ADAMTSL1: variants seen among roughly 807,000 people sequenced by gnomAD.
ADAMTSL1 encodes ADAMTS like 1.
Under a neutral mutation model 201.8 loss-of-function variants are expected in ADAMTSL1, and 126 were observed. That is an observed-to-expected ratio of 0.62 (90% CI 0.54 to 0.72). ADAMTSL1 has a LOEUF of 0.72. ADAMTSL1 is among the 30% of genes least tolerant of loss of function. The pLI, the probability that ADAMTSL1 is intolerant of heterozygous loss-of-function variation, is 0.00. For missense variants in ADAMTSL1, 2,679 were observed against 2,277.8 expected (o/e 1.18, Z -3.59); for synonymous variants, 1,121 against 903.4 (o/e 1.24, Z -4.32).
chr9:18,366,357 G>A lies in ADAMTSL1; in HGVS notation c.208-138472G>A, dbSNP rs565660415. Among the ~76,000 whole-genome samples the A allele has an allele frequency of 1.1e-3, 163 of 151,676 alleles. 2 individuals are homozygous for A. The highest frequency in any genetic ancestry group is 3.6e-3 in the African/African-American group (150 of 41,360). On this transcript the variant is annotated intron_variant, in intron 2 of 29. Transcript: ENST00000680146. ...GCTGAAGTCATCTCGGTGCTACCTC[G>A]TGTGCCTTGGGTTATTTTTACCCTG...
chr9:17,921,225 A>G (rs1365950561), intron 1 of ADAMTSL1, among the ~76,000 whole-genome samples: 1 of 152,104 alleles, frequency 6.6e-6, no homozygotes, highest in African/African-American at 2.4e-5. Context: ...GTAGATTTTG[A>G]ACCAGTATTC....
At chr9:18,850,668 C>T (rs964474176) in intron 23 of ADAMTSL1, among the ~76,000 whole-genome samples, 4 of 152,158 alleles carry the variant, frequency 2.6e-5, no homozygotes, top group South Asian at 2.1e-4. Context: ...GTAGAGGGAT[C>T]GGGTAAGTTA....
intron 9 of ADAMTSL1, among the ~76,000 whole-genome samples, chr9:18,671,617 C>T (rs968968307): frequency 1.9e-4 from 29 of 152,200 alleles, no homozygotes; most frequent in African/African-American, 6.7e-4. Context: ...GCTTGAAAAG[C>T]CTAGAGCACA....
At chr9:18,315,445 G>C (rs1296991857) in intron 2 of ADAMTSL1, among the ~76,000 whole-genome samples, 1 of 152,070 alleles carries the variant, frequency 6.6e-6, no homozygotes, top group African/African-American at 2.4e-5. Flanking sequence ...TGAGGAGGGG[G>C]GTGGTTCGGG....
intron 4 of ADAMTSL1, among the ~76,000 whole-genome samples, chr9:18,598,501 G>C (rs755162591): frequency 2.0e-5 from 3 of 151,722 alleles, no homozygotes; most frequent in Non-Finnish European, 4.4e-5. Context: ...ATTCATTTTT[G>C]TTTGTCCCTT....
intron 2 of ADAMTSL1, among the ~76,000 whole-genome samples, chr9:18,421,910 T>G (rs1261931456): frequency 6.6e-6 from 1 of 152,248 alleles, no homozygotes; most frequent in South Asian, 2.1e-4. Context: ...GATTTAAGAA[T>G]GTAATATTTG....
rs944874528 is a variant in ADAMTSL1 at position 17,925,182 on chromosome 9, A to G, written c.87+18260A>G. Among the ~76,000 whole-genome samples the G allele has an allele frequency of 3.6e-3, 400 of 112,650 alleles. 69 individuals carry two copies. The highest frequency in any genetic ancestry group is 0.011 in the African/African-American group (371 of 33,434). 73.9% of individuals were successfully genotyped at this position (112,650 alleles called of 152,430 possible). A position where few individuals can be genotyped will look rare whatever the true frequency, so the allele number is the denominator to read the frequency against. On this transcript the variant is annotated intron_variant, in intron 1 of 29. Coordinates refer to the ADAMTSL1 transcript ENST00000680146. The stretch of plus-strand genomic sequence containing the variant: ...ACCATCTCACACCAGTTAGAATGGC[A>G]ATCATTAAAAAGTCAGGAAACAACA...
In ADAMTSL1 at chr9:18,504,858, C is replaced by T. The variant is rs1300050252; in HGVS notation, c.93C>T (p.Asp31=). 2.5e-6 allele frequency: 4 copies of T among 1,613,976 alleles called. No homozygotes were observed. The highest frequency in any genetic ancestry group is 3.4e-6 in the Non-Finnish European group (4 of 1,180,020). ...CCAGGACCGCACGCTCCGAGGAGGA[C>T]CGGGACGGCCTATGGGATGCCTGGG... is the stretch of plus-strand genomic sequence containing the variant. ...LSSRTARSEE[D]RDGLWDAWGP... The change falls in exon 2 of 29, where the codon GAC becomes GAT. Residue 31 remains aspartate (D), a synonymous_variant. Transcript: ENST00000380548.
chr9:18,581,206 C>G (rs7044968), intron 4 of ADAMTSL1, among the ~76,000 whole-genome samples: 5,823 of 152,184 alleles, frequency 0.038, 346 homozygotes, highest in African/African-American at 0.13. Context: ...ATCTCTGCCT[C>G]TGTTATCAAA....
rs187772590 is a variant in ADAMTSL1 at position 18,142,140 on chromosome 9, C to T, written c.88-21722C>T. ...AACAAGAGCTCTAGCAGTCCCCTGACCTCTTCCCCTTCTTTTTCTCCTGCC... is the reference window on the plus strand; with the variant it reads ...AACAAGAGCTCTAGCAGTCCCCTGATCTCTTCCCCTTCTTTTTCTCCTGCC... On this transcript the variant is annotated intron_variant, in intron 1 of 29. Transcript: ENST00000680146. Among the ~76,000 whole-genome samples the T allele has an allele frequency of 4.9e-3, 744 of 152,308 alleles. 8 individuals carry two copies. The highest frequency in any genetic ancestry group is 0.01 in the Middle Eastern group (3 of 294).
chr9:18,637,662 T>G (rs958361705), intron 6 of ADAMTSL1, among the ~76,000 whole-genome samples: 1 of 152,168 alleles, frequency 6.6e-6, no homozygotes, highest in Admixed American at 6.6e-5. Context: ...TTTTTCCTTG[T>G]GTGTTCTTTT....
chr9:18,315,452 C>T (rs926100177), intron 2 of ADAMTSL1, among the ~76,000 whole-genome samples: 1 of 151,800 alleles, frequency 6.6e-6, no homozygotes. Flanking sequence ...GGGGGTGGTT[C>T]GGGCATTGGG....
At chr9:18,515,195 A>G (rs1249784852) in intron 2 of ADAMTSL1, among the ~76,000 whole-genome samples, 1 of 152,170 alleles carries the variant, frequency 6.6e-6, no homozygotes, top group Non-Finnish European at 1.5e-5. Flanking sequence ...AATTTTTTCA[A>G]AGCTCTCCAA....
At position 18,706,931 on chromosome 9, in the gene ADAMTSL1, A is replaced by G; in HGVS notation, c.1759A>G (p.Ile587Val). 1 of 1,613,986 alleles carries G rather than the reference A, an allele frequency of 6.2e-7. No individual in the cohort carries two copies. Among genetic ancestry groups the G allele is most frequent in the Non-Finnish European group, 8.5e-7 (1 of 1,179,886 alleles). ...ACYAGPCSGE[I>V]PEFNPDETDG... Reference sequence around the variant, plus strand: ...TTATGCAGGCCCATGCAGCGGGGAAATTCCTGAGTTCAACCCAGACGAGAC... The same window carrying G: ...TTATGCAGGCCCATGCAGCGGGGAAGTTCCTGAGTTCAACCCAGACGAGAC... The change falls in exon 14 of 29, where the codon ATT becomes GTT. Residue 587 changes from isoleucine to valine, a missense_variant. By Grantham distance (29) the Ile-to-Val change is conservative. Transcript: ENST00000380548.
chr9:17,907,260 C>T (rs372512084), intron 1 of ADAMTSL1, among the ~76,000 whole-genome samples: 3 of 152,174 alleles, frequency 2.0e-5, no homozygotes, highest in Non-Finnish European at 2.9e-5. Context: ...TCCTCTACCC[C>T]CCACCCTTTC....
intron 2 of ADAMTSL1, among the ~76,000 whole-genome samples, chr9:18,521,954 C>G (rs534909282): frequency 1.3e-5 from 2 of 152,144 alleles, no homozygotes; most frequent in Non-Finnish European, 2.9e-5. Flanking sequence ...TGCACAGACT[C>G]CAGTTCTAGT....
chr9:17,959,102 T>G (rs1358006036), intron 1 of ADAMTSL1, among the ~76,000 whole-genome samples: 1 of 152,200 alleles, frequency 6.6e-6, no homozygotes, highest in Non-Finnish European at 1.5e-5. Context: ...AAATTCTGTA[T>G]GTAGTTTGAA....
At chr9:18,323,320 T>A (rs1834700058) in intron 2 of ADAMTSL1, among the ~76,000 whole-genome samples, 1 of 152,188 alleles carries the variant, frequency 6.6e-6, no homozygotes, top group African/African-American at 2.4e-5. Flanking sequence ...TAAAAATTAT[T>A]TGACAAAGTA....
rs906185883 is a variant in ADAMTSL1, at chr9:18,543,356, T to A, written c.237+10064T>A. On this transcript the variant is annotated intron_variant, in intron 3 of 28. Coordinates refer to ENST00000380548, the MANE Select transcript of ADAMTSL1 (RefSeq NM_001040272.6). ...TGATTTGACCCACAGCTTTTTTTTT[T>A]AATGCTAAAATTAGATAACAAAGGG... 2.0e-5 allele frequency among the ~76,000 whole-genome samples: 3 copies of A among 152,086 alleles called. No homozygotes were observed. The South Asian group carries it at 6.2e-4, about 32-fold the overall frequency.
Sources: gnomAD v4.1 joint callset for allele counts (sites outside exome capture counted in the v4.1 genomes callset) on GRCh38, gnomAD v4.1.1 for gene constraint, MANE v1.5 for transcripts, NCBI Gene and HGNC (gene_info 2026-07-23, HGNC 2026-07-21) for gene names.